The following SEMA3A variants were observed in gnomAD, a reference collection of about 807,000 sequenced individuals.
SEMA3A encodes semaphorin-3A.
Under a neutral mutation model 97.9 loss-of-function variants are expected in SEMA3A, and 29 were observed. The ratio of observed to expected loss-of-function variants is 0.30; its 90% CI spans 0.22 to 0.40. The LOEUF (loss-of-function observed/expected upper bound fraction) is 0.40, where lower values mean the gene tolerates loss of function less well. SEMA3A is among the 10% of genes least tolerant of loss of function. SEMA3A has a pLI of 1.00. For synonymous variants in SEMA3A, 321 were observed against 323.7 expected (o/e 0.99, Z 0.09); for missense variants, 763 against 951.3 (o/e 0.80, Z 2.60).
chr7:83,990,570 T>C (rs1319719879), intron 12 of SEMA3A, among the ~76,000 whole-genome samples: 1 of 121,430 alleles, frequency 8.2e-6, no homozygotes. Flanking sequence ...ATTTATTAAA[T>C]AGGGAATCCT....
At chr7:84,398,512 A>G (rs976578044) in intron 1 of SEMA3A, among the ~76,000 whole-genome samples, 1 of 152,158 alleles carries the variant, frequency 6.6e-6, no homozygotes, top group Non-Finnish European at 1.5e-5. Flanking sequence ...TAATCCTAGT[A>G]TTTGGGAAGC....
rs1045148295 is a variant in SEMA3A, at chr7:84,114,984, G to A, written c.334-4395C>T. Among the ~76,000 whole-genome samples, 4 of 152,020 alleles carry A rather than the reference G, an allele frequency of 2.6e-5. No homozygotes were observed. In the East Asian group the frequency reaches 7.7e-4, roughly 29 times the overall value. ...AATTTTTTAACACTCATCTTTTTAA[G>A]TGATGAATAGGCAGTTCTGTCCATT... On this transcript the variant is annotated intron_variant, in intron 3 of 16. Transcript: ENST00000265362.
At chr7:84,246,807 T>C (rs1347909889) in intron 3 of SEMA3A, among the ~76,000 whole-genome samples, 1 of 152,072 alleles carries the variant, frequency 6.6e-6, no homozygotes, top group Non-Finnish European at 1.5e-5. Context: ...AATTTAACTT[T>C]TAAAAATTAG....
intron 4 of SEMA3A, among the ~76,000 whole-genome samples, chr7:84,068,944 A>T (rs1482604416): frequency 1.3e-5 from 2 of 152,092 alleles, no homozygotes; most frequent in Non-Finnish European, 2.9e-5. Flanking sequence ...ATACTAAGTT[A>T]GTCACCTCTT....
rs60907885 is a variant in SEMA3A, at chr7:84,325,117, C to CTCTATCTA, written c.-168-17833_-168-17826dup. On this transcript the variant is annotated intron_variant, in intron 2 of 3. Coordinates refer to the SEMA3A transcript ENST00000424555. ...CTGTCACAATGGAGAATGTATATAT[C>CTCTATCTA]TCTATCTATCTATCTATCTATCTAT... Among the ~76,000 whole-genome samples, 1,210 of 149,148 alleles carry CTCTATCTA rather than the reference C, an allele frequency of 8.1e-3. 4 individuals carry two copies. Among genetic ancestry groups the CTCTATCTA allele is most frequent in the East Asian group, 0.019 (94 of 4,920 alleles).
intron 3 of SEMA3A, among the ~76,000 whole-genome samples, chr7:84,220,179 T>C (rs1041902659): frequency 1.3e-5 from 2 of 152,182 alleles, no homozygotes; most frequent in African/African-American, 2.4e-5. Context: ...GTAGAATCTA[T>C]TTTAAGAAAC....
chr7:84,137,601 G>T (rs1168167904), intron 1 of SEMA3A, among the ~76,000 whole-genome samples: 1 of 146,544 alleles, frequency 6.8e-6, no homozygotes, highest in Non-Finnish European at 1.5e-5. Flanking sequence ...GTCATTCAAA[G>T]AGATCTGTTT....
In SEMA3A at chr7:84,083,504, T is replaced by C. The variant is rs186949326; in HGVS notation, c.454-22946A>G. On this transcript the variant is annotated intron_variant, in intron 4 of 16. Coordinates refer to ENST00000265362, the MANE Select transcript of SEMA3A (RefSeq NM_006080.3). ...TGTTTTGAAATACACAATAAATTACTGTTAACTAAAGTCCTCCTATTGCTC... is the reference window on the plus strand; with the variant it reads ...TGTTTTGAAATACACAATAAATTACCGTTAACTAAAGTCCTCCTATTGCTC... Among the ~76,000 whole-genome samples, 20 of 152,078 alleles carry C rather than the reference T, an allele frequency of 1.3e-4. No individual in the cohort carries two copies. In the East Asian group the frequency reaches 3.9e-3, roughly 29 times the overall value.
intron 1 of SEMA3A, among the ~76,000 whole-genome samples, chr7:84,377,513 T>G (rs1803133858): frequency 6.6e-6 from 1 of 152,322 alleles, no homozygotes; most frequent in Non-Finnish European, 1.5e-5. Flanking sequence ...AGCTTTGTAG[T>G]AAATTTTGAA....
intron 2 of SEMA3A, among the ~76,000 whole-genome samples, chr7:84,364,185 TAAAC>T (rs1196958152): frequency 2.6e-5 from 4 of 151,660 alleles, no homozygotes; most frequent in Non-Finnish European, 4.4e-5. Flanking sequence ...CTGATAAACA[TAAAC>T]AAAACCTTTT....
At chr7:84,255,904 G>A (rs775050294) in intron 3 of SEMA3A, among the ~76,000 whole-genome samples, 9 of 148,020 alleles carry the variant, frequency 6.1e-5, no homozygotes, top group South Asian at 4.2e-4. Flanking sequence ...ACAATCCTGC[G>A]TCTATCACTT....
At chr7:84,379,070 G>T (rs576695041) in intron 1 of SEMA3A, among the ~76,000 whole-genome samples, 1 of 152,058 alleles carries the variant, frequency 6.6e-6, no homozygotes, top group Non-Finnish European at 1.5e-5. Context: ...TGGGACTACA[G>T]GCGCCCGCCA....
intron 3 of SEMA3A, among the ~76,000 whole-genome samples, chr7:84,302,488 T>A (rs1017572941): frequency 1.5e-4 from 23 of 152,310 alleles, no homozygotes; most frequent in Admixed American, 3.9e-4. Context: ...TTCATACATG[T>A]ATCAACAAAT....
intron 1 of SEMA3A, among the ~76,000 whole-genome samples, chr7:84,474,219 G>A (rs895454187): frequency 3.9e-5 from 6 of 152,112 alleles, no homozygotes; most frequent in Non-Finnish European, 7.4e-5. Context: ...GTGAGAAAAC[G>A]AATAAAAATA....
intron 3 of SEMA3A, among the ~76,000 whole-genome samples, chr7:84,204,309 T>C (rs1260731208): frequency 6.6e-6 from 1 of 152,314 alleles, no homozygotes; most frequent in East Asian, 1.9e-4. Flanking sequence ...ATAATATAAA[T>C]GTCAGTTTAT....
intron 6 of SEMA3A, among the ~76,000 whole-genome samples, chr7:84,020,035 CTTTTTTT>C (rs781108685): frequency 6.9e-4 from 40 of 58,242 alleles, no homozygotes; most frequent in Non-Finnish European, 8.1e-4. Context: ...TTTTTTCTTT[CTTTTTTT>C]TTTTTTTTTT....
At chr7:84,217,703 T>C (rs890979130) in intron 3 of SEMA3A, among the ~76,000 whole-genome samples, 3 of 152,008 alleles carry the variant, frequency 2.0e-5, no homozygotes, top group Non-Finnish European at 4.4e-5. Flanking sequence ...CAAGACTTCA[T>C]TGAACTATGA....
intron 3 of SEMA3A, among the ~76,000 whole-genome samples, chr7:84,204,432 G>A (rs532205387): frequency 6.6e-6 from 1 of 152,250 alleles, no homozygotes; most frequent in East Asian, 1.9e-4. Context: ...CTGACACTGT[G>A]GAGTCGGATT....
intron 4 of SEMA3A, among the ~76,000 whole-genome samples, chr7:84,092,300 T>C (rs1158166515): frequency 1.3e-5 from 2 of 152,272 alleles, no homozygotes; most frequent in Non-Finnish European, 1.5e-5. Flanking sequence ...CAGTGGAGCA[T>C]AGTTTTCTTG....
Sources: gnomAD v4.1 joint callset for allele counts (sites outside exome capture counted in the v4.1 genomes callset) on GRCh38, gnomAD v4.1.1 for gene constraint, MANE v1.5 for transcripts, NCBI Gene and HGNC (gene_info 2026-07-23, HGNC 2026-07-21) for gene names.